ERBB4: variants seen among roughly 807,000 people sequenced by gnomAD.
The protein encoded by ERBB4 is erb-b2 receptor tyrosine kinase 4, also known as receptor tyrosine-protein kinase erbB-4.
A neutral mutation model predicts 158.0 loss-of-function variants in ERBB4; 42 were observed. The ratio of observed to expected loss-of-function variants is 0.27; its 90% CI spans 0.21 to 0.34. The LOEUF (loss-of-function observed/expected upper bound fraction) is 0.34. Ranked by LOEUF, ERBB4 falls within the 10% of genes least tolerant of loss-of-function variation. The pLI, the probability that ERBB4 is intolerant of heterozygous loss-of-function variation, is 1.00. For missense variants in ERBB4, 1,333 were observed against 1,624.1 expected (o/e 0.82, Z 3.08); for synonymous variants, 583 against 558.7 (o/e 1.04, Z -0.61).
At chr2:212,419,117 A>G (rs978605032) in intron 1 of ERBB4, among the ~76,000 whole-genome samples, 1 of 145,454 alleles carries the variant, frequency 6.9e-6, no homozygotes, top group Non-Finnish European at 1.5e-5. Context: ...TTTTTTTTTT[A>G]ACATTTCAGT....
At chr2:212,067,767 T>G (rs1415716557) in intron 2 of ERBB4, among the ~76,000 whole-genome samples, 1 of 152,058 alleles carries the variant, frequency 6.6e-6, no homozygotes, top group Non-Finnish European at 1.5e-5. Flanking sequence ...TTCTCTTTAC[T>G]TATCCCTACC....
intron 3 of ERBB4, among the ~76,000 whole-genome samples, chr2:211,886,485 T>G (rs932548752): frequency 6.6e-6 from 1 of 152,196 alleles, no homozygotes; most frequent in Admixed American, 6.5e-5. Flanking sequence ...AATTCTATAA[T>G]TTCTAACTAA....
Position 211,849,711 on chromosome 2 carries a change from A to G in ERBB4, c.422-61552T>C, listed in dbSNP as rs568983257. Reference sequence around the variant, plus strand: ...TTACTATTAATGTGAAAAATTACTAACATCTCATTTATAAAGATAAAACCA... The same window carrying G: ...TTACTATTAATGTGAAAAATTACTAGCATCTCATTTATAAAGATAAAACCA... On this transcript the variant is annotated intron_variant, in intron 3 of 27. Transcript: ENST00000342788. Among the ~76,000 whole-genome samples, 23 of 152,092 alleles carry G rather than the reference A, an allele frequency of 1.5e-4. No homozygotes were observed. In the South Asian group the frequency reaches 2.5e-3, roughly 16 times the overall value.
chr2:211,587,880 G>T (rs763144207), intron 19 of ERBB4, among the ~76,000 whole-genome samples: 4 of 152,110 alleles, frequency 2.6e-5, no homozygotes, highest in Admixed American at 6.5e-5. Flanking sequence ...TTCTACACTT[G>T]TACCTTCAGA....
At chr2:212,228,170 T>G (rs781372994) in intron 1 of ERBB4, among the ~76,000 whole-genome samples, 1 of 152,196 alleles carries the variant, frequency 6.6e-6, no homozygotes, top group Non-Finnish European at 1.5e-5. Flanking sequence ...ACCATAAAGA[T>G]TTTAAAAATA....
intron 2 of ERBB4, among the ~76,000 whole-genome samples, chr2:212,103,503 G>C (rs1241468275): frequency 6.6e-6 from 1 of 151,856 alleles, no homozygotes; most frequent in Non-Finnish European, 1.5e-5. Context: ...TTCTTTTCTG[G>C]TACTAAATCT....
chr2:212,493,977 A>T (rs1690423888), intron 1 of ERBB4, among the ~76,000 whole-genome samples: 1 of 151,842 alleles, frequency 6.6e-6, no homozygotes, highest in Non-Finnish European at 1.5e-5. Flanking sequence ...ACGGATTAAA[A>T]TTCTTATTAA....
At chr2:211,688,347 C>T (rs573107570) in intron 12 of ERBB4, among the ~76,000 whole-genome samples, 1 of 152,262 alleles carries the variant, frequency 6.6e-6, no homozygotes, top group South Asian at 2.1e-4. Context: ...TGCCTGGACT[C>T]CTAGCTCTGT....
chr2:211,922,406 T>A (rs950908470), intron 3 of ERBB4, among the ~76,000 whole-genome samples: 11 of 152,116 alleles, frequency 7.2e-5, no homozygotes, highest in African/African-American at 2.7e-4. Context: ...AGGAAAAAAG[T>A]CCTAAGTAAC....
At chr2:211,738,361 G>GTTTTTTTTTTTTTTTTTTTTTTTT (rs10535592) in intron 5 of ERBB4, among the ~76,000 whole-genome samples, 1 of 135,342 alleles carries the variant, frequency 7.4e-6, no homozygotes, top group Admixed American at 7.9e-5. Context: ...CTTTGTTTTT[G>GTTTTTTTTTTTTTTTTTTTTTTTT]TTTTTTTTTT....
At chr2:212,177,817 T>C (rs957794770) in intron 1 of ERBB4, among the ~76,000 whole-genome samples, 1 of 151,920 alleles carries the variant, frequency 6.6e-6, no homozygotes, top group Non-Finnish European at 1.5e-5. Context: ...AGATAAGTAG[T>C]CTATGAGAAT....
intron 1 of ERBB4, among the ~76,000 whole-genome samples, chr2:212,377,735 A>C (rs1411681287): frequency 6.6e-6 from 1 of 151,806 alleles, no homozygotes; most frequent in Non-Finnish European, 1.5e-5. Context: ...GACTACACTA[A>C]ATTTATAAGA....
chr2:212,384,846 C>A (rs2090619742), intron 1 of ERBB4, among the ~76,000 whole-genome samples: 1 of 144,488 alleles, frequency 6.9e-6, no homozygotes. Context: ...GTTGTAAATG[C>A]AAAGGAAGAA....
chr2:211,841,964 A>G (rs1008556756), intron 3 of ERBB4, among the ~76,000 whole-genome samples: 22 of 152,030 alleles, frequency 1.4e-4, no homozygotes, highest in African/African-American at 5.3e-4. Context: ...TCATGTTTCA[A>G]TAATTTTTTT....
chr2:211,451,522 A>G (rs947470068), intron 20 of ERBB4, among the ~76,000 whole-genome samples: 3 of 152,218 alleles, frequency 2.0e-5, no homozygotes, highest in Non-Finnish European at 4.4e-5. Context: ...ATATTTCTCA[A>G]TGGTGGTCAT....
At chr2:212,409,027 A>G (rs1173908784) in intron 1 of ERBB4, among the ~76,000 whole-genome samples, 1 of 151,854 alleles carries the variant, frequency 6.6e-6, no homozygotes, top group African/African-American at 2.4e-5. Flanking sequence ...AATACAAATC[A>G]TTTCTTTACT....
chr2:211,451,457 A>G (rs953440927), intron 20 of ERBB4, among the ~76,000 whole-genome samples: 6 of 152,224 alleles, frequency 3.9e-5, no homozygotes, highest in Non-Finnish European at 8.8e-5. Flanking sequence ...CGAGGAATTA[A>G]GGGAGGCAGG....
intron 3 of ERBB4, among the ~76,000 whole-genome samples, chr2:211,813,877 C>T (rs1402850775): frequency 1.3e-5 from 2 of 152,052 alleles, no homozygotes; most frequent in Non-Finnish European, 2.9e-5. Flanking sequence ...TAGTAATTCT[C>T]TTTTAATTAG....
chr2:211,856,970 T>C (rs975879798), intron 3 of ERBB4, among the ~76,000 whole-genome samples: 9 of 152,154 alleles, frequency 5.9e-5, no homozygotes, highest in Admixed American at 5.2e-4. Context: ...TTTAGAACTT[T>C]AGACAAAATT....
Sources: allele counts gnomAD v4.1 joint callset (sites outside exome capture counted in the v4.1 genomes callset), GRCh38; gene constraint gnomAD v4.1.1; transcripts MANE v1.5; gene names NCBI Gene and HGNC (gene_info 2026-07-23, HGNC 2026-07-21).